Variants in FSTL4 observed in about 807,000 individuals in gnomAD.
FSTL4 encodes the protein follistatin-related protein 4.
A neutral mutation model predicts 78.2 loss-of-function variants in FSTL4; 28 were observed. That is an observed-to-expected ratio of 0.36 (90% CI 0.27 to 0.49). The LOEUF (loss-of-function observed/expected upper bound fraction) is 0.49, where lower values mean the gene tolerates loss of function less well. Among genes scored for constraint, FSTL4 ranks in the 20% least tolerant of loss-of-function variants. FSTL4 has a pLI of 0.98. For synonymous variants in FSTL4, 422 were observed against 440.5 expected (o/e 0.96, Z 0.53); for missense variants, 922 against 1,084.9 (o/e 0.85, Z 2.11).
At chr5:133,290,394 G>T (rs1220690341) in intron 6 of FSTL4, among the ~76,000 whole-genome samples, 1 of 152,204 alleles carries the variant, frequency 6.6e-6, no homozygotes, top group Non-Finnish European at 1.5e-5. Flanking sequence ...TCCTGTGAGG[G>T]CCATCGGGGA....
the FSTL4 span, among the ~76,000 whole-genome samples, chr5:133,649,032 C>A: frequency 6.6e-6 from 1 of 152,190 alleles, no homozygotes; most frequent in Admixed American, 6.5e-5. Flanking sequence ...TTTGTCCCTC[C>A]CTTCCCCAAC....
At chr5:133,206,878 G>T (rs531037079) in intron 14 of FSTL4, among the ~76,000 whole-genome samples, 3 of 152,020 alleles carry the variant, frequency 2.0e-5, no homozygotes, top group Admixed American at 2.0e-4. Flanking sequence ...TAAGACCCAA[G>T]AATTCCTTGG....
intron 3 of FSTL4, among the ~76,000 whole-genome samples, chr5:133,525,013 T>C (rs1396883875): frequency 1.3e-5 from 2 of 152,252 alleles, no homozygotes; most frequent in East Asian, 3.9e-4. Flanking sequence ...GATCAGAAAG[T>C]CCTCTGAAAC....
chr5:133,504,389 C>A (rs1758568802), intron 3 of FSTL4, among the ~76,000 whole-genome samples: 1 of 152,160 alleles, frequency 6.6e-6, no homozygotes, highest in Admixed American at 6.6e-5. Flanking sequence ...TTCTCCTATG[C>A]CTACCATTGT....
intron 3 of FSTL4, among the ~76,000 whole-genome samples, chr5:133,510,902 A>C (rs1198156592): frequency 1.3e-5 from 2 of 152,178 alleles, no homozygotes; most frequent in South Asian, 4.1e-4. Flanking sequence ...AGATGGGGAC[A>C]TGAAAGCCAG....
chr5:133,590,093 C>CTTTA (rs60216054), intron 2 of FSTL4, among the ~76,000 whole-genome samples: 8,632 of 149,100 alleles, frequency 0.058, 478 homozygotes, highest in Admixed American at 0.16. Context: ...GGAATCTCCT[C>CTTTA]TTTATTTATT....
intron 3 of FSTL4, among the ~76,000 whole-genome samples, chr5:133,503,926 G>A (rs574977610): frequency 2.2e-4 from 33 of 152,304 alleles, no homozygotes; most frequent in Non-Finnish European, 4.1e-4. Flanking sequence ...GGTAACTTAC[G>A]ATCATGGCAG....
intron 4 of FSTL4, among the ~76,000 whole-genome samples, chr5:133,320,116 T>G (rs1241354872): frequency 6.6e-6 from 1 of 152,088 alleles, no homozygotes; most frequent in African/African-American, 2.4e-5. Flanking sequence ...CCACAGGGCT[T>G]GAGGTGGAGT....
At chr5:133,809,239 T>G in the FSTL4 span, among the ~76,000 whole-genome samples, 1 of 151,658 alleles carries the variant, frequency 6.6e-6, no homozygotes, top group Non-Finnish European at 1.5e-5. Flanking sequence ...TGGTGGTGCA[T>G]GCCTATAATC....
intron 3 of FSTL4, among the ~76,000 whole-genome samples, chr5:133,548,344 T>A (rs1416185970): frequency 6.6e-6 from 1 of 152,208 alleles, no homozygotes; most frequent in Non-Finnish European, 1.5e-5. Flanking sequence ...TATAGAGGAC[T>A]GAGTCCTTAA....
chr5:133,744,867 T>C, the FSTL4 span, among the ~76,000 whole-genome samples: 1 of 152,136 alleles, frequency 6.6e-6, no homozygotes, highest in Admixed American at 6.5e-5. Flanking sequence ...AGCAAGTGTT[T>C]GCTGGATTGA....
the FSTL4 span, among the ~76,000 whole-genome samples, chr5:133,840,207 G>C: frequency 6.6e-6 from 1 of 152,174 alleles, no homozygotes; most frequent in East Asian, 1.9e-4. Flanking sequence ...ATAAAACAGA[G>C]ACAATCGACT....
chr5:133,643,937 G>A, the FSTL4 span, among the ~76,000 whole-genome samples: 1 of 147,212 alleles, frequency 6.8e-6, no homozygotes, highest in Admixed American at 7.1e-5. Flanking sequence ...GGATGAAACT[G>A]TTCTTATGTT....
In FSTL4 at chr5:133,225,083, T is replaced by C. The variant is rs1751282287; in HGVS notation, c.1312+67A>G. 6.3e-7 allele frequency: 1 copy of C among 1,587,734 alleles called. No individual in the cohort carries two copies. ...GGCAGCTGTGGCCCTGGTCAATTGG[T>C]GCCCTCCCTTGCCACCCAACACCTC... On this transcript the variant is annotated intron_variant, in intron 10 of 15. Coordinates refer to ENST00000265342, the MANE Select transcript of FSTL4 (RefSeq NM_015082.2). The surrounding 1 kb of genome is among the most constrained non-coding windows in gnomAD (Gnocchi z 4.6).
intron 6 of FSTL4, among the ~76,000 whole-genome samples, chr5:133,277,032 C>T (rs943156358): frequency 1.3e-5 from 2 of 152,174 alleles, no homozygotes; most frequent in African/African-American, 4.8e-5. Flanking sequence ...GGGTAATAGG[C>T]TGGGCGCGGT....
At chr5:133,289,693 T>C (rs1753213266) in intron 6 of FSTL4, among the ~76,000 whole-genome samples, 2 of 152,234 alleles carry the variant, frequency 1.3e-5, no homozygotes, top group Non-Finnish European at 2.9e-5. Flanking sequence ...CAGCCTGTCC[T>C]GGCACAGATG....
intron 4 of FSTL4, among the ~76,000 whole-genome samples, chr5:133,326,291 G>A (rs1258639245): frequency 6.6e-6 from 1 of 152,218 alleles, no homozygotes; most frequent in East Asian, 1.9e-4. Context: ...TTCACTGACA[G>A]TGTTGACTGA....
intron 4 of FSTL4, among the ~76,000 whole-genome samples, chr5:133,396,999 C>G (rs1417782074): frequency 2.0e-5 from 3 of 152,198 alleles, no homozygotes. Context: ...TCTAACAGTC[C>G]CCTTTCTTCC....
Position 133,197,118 on chromosome 5 carries a change from T to A in FSTL4, c.*1977A>T, listed in dbSNP as rs989837698. ...CTGCTGCCCAGAGGGGCTCGTGTTC[T>A]GGTCTGGTAGTTGGTGGGACTTTTC... On this transcript the variant is annotated 3_prime_UTR_variant, in exon 16 of 16. Coordinates refer to ENST00000265342, the MANE Select transcript of FSTL4 (RefSeq NM_015082.2). 6.6e-6 allele frequency: 1 copy of A among 152,206 alleles called. No homozygotes were observed. Among genetic ancestry groups the A allele is most frequent in the Non-Finnish European group, 1.5e-5 (1 of 68,036 alleles). 9.4% of individuals were successfully genotyped at this position (152,206 alleles called of 1,614,324 possible).
Sources: gnomAD v4.1 joint callset for allele counts (sites outside exome capture counted in the v4.1 genomes callset) on GRCh38, gnomAD v4.1.1 for gene constraint, Gnocchi (gnomAD v3.1) non-coding constraint, MANE v1.5 for transcripts, NCBI Gene and HGNC (gene_info 2026-07-23, HGNC 2026-07-21) for gene names.